NTRK3: variants seen among roughly 807,000 people sequenced by gnomAD.
NTRK3 encodes neurotrophic receptor tyrosine kinase 3.
NTRK3 carries 24 observed loss-of-function variants against 91.7 expected under a neutral mutation model. That is an observed-to-expected ratio of 0.26 (90% CI 0.19 to 0.37). NTRK3 has a LOEUF of 0.37. NTRK3 is among the 10% of genes least tolerant of loss of function. The probability of loss-of-function intolerance (pLI) is 1.00; values close to 1 mark genes in which losing one functional copy is unlikely to be tolerated. For missense variants in NTRK3, 880 were observed against 1,068.9 expected, an observed-to-expected ratio of 0.82 and a Z score of 2.46; for synonymous variants, 483 against 404.0, an observed-to-expected ratio of 1.20 and a Z score of -2.34.
intron 3 of NTRK3, among the ~76,000 whole-genome samples, chr15:88,204,649 T>C (rs2048587112): frequency 6.6e-6 from 1 of 152,154 alleles, no homozygotes; most frequent in Non-Finnish European, 1.5e-5. Flanking sequence ...TAGGAGGTGT[T>C]AAAAATTCTT....
At chr15:87,929,503 G>C (rs1439510252) in intron 16 of NTRK3, 69 bp from the exon 17 acceptor site, 6 of 1,584,390 alleles carry the variant, frequency 3.8e-6, no homozygotes, top group Non-Finnish European at 4.3e-6. Flanking sequence ...GGCCTTCCTG[G>C]GTCCCTGCCC....
intron 5 of NTRK3, among the ~76,000 whole-genome samples, chr15:88,163,382 T>C (rs537872570): frequency 1.3e-5 from 2 of 152,340 alleles, no homozygotes; most frequent in Admixed American, 1.3e-4. Flanking sequence ...TCATCTTCCA[T>C]GACTTACTGA....
exon 19 of NTRK3, chr15:87,874,414 C>T: frequency 4.3e-6 from 1 of 230,440 alleles, no homozygotes; most frequent in Non-Finnish European, 8.6e-6. Context: ...TCCTTCAGTG[C>T]TTCTTGTTCC....
Position 87,881,406 on chromosome 15 carries a change from C to CTTATTTATTTATTTAT in NTRK3, c.2134-994_2134-979dup, listed in dbSNP as rs61208268. On this transcript the variant is annotated intron_variant, in intron 17 of 18. Coordinates refer to ENST00000394480, the Ensembl canonical transcript of NTRK3. ...ACTTAAAGTTCTCATTTCCTTCTTTCTTATTTATTTATTTATTTATTTATT... is the reference window on the plus strand; with the variant it reads ...ACTTAAAGTTCTCATTTCCTTCTTTCTTATTTATTTATTTATTTATTTATTTATTTATTTATTTATT... Among the ~76,000 whole-genome samples the CTTATTTATTTATTTAT allele has an allele frequency of 8.1e-3, 1,214 of 149,254 alleles. 6 individuals carry two copies. Among genetic ancestry groups the CTTATTTATTTATTTAT allele is most frequent in the Non-Finnish European group, 0.014 (911 of 67,160 alleles).
intron 13 of NTRK3, among the ~76,000 whole-genome samples, 197 bp from the exon 14 acceptor site, chr15:88,033,242 T>C (rs1180608386): frequency 1.5e-5 from 2 of 135,832 alleles, no homozygotes; most frequent in Non-Finnish European, 3.1e-5. Context: ...GTTTCTGGTG[T>C]ATTTTAGATA....
chr15:87,905,912 A>C (rs547790756), intron 17 of NTRK3, among the ~76,000 whole-genome samples: 14 of 152,306 alleles, frequency 9.2e-5, no homozygotes, highest in African/African-American at 3.1e-4. Flanking sequence ...CAACACTCAA[A>C]AAACAAAGCA....
At chr15:87,991,823 G>A (rs933332542) in intron 14 of NTRK3, among the ~76,000 whole-genome samples, 3 of 152,076 alleles carry the variant, frequency 2.0e-5, no homozygotes, top group Admixed American at 1.3e-4. Flanking sequence ...TTGAGAGATA[G>A]TAACTTTAAG....
At chr15:88,134,443 A>G (rs1372246242) in intron 10 of NTRK3, among the ~76,000 whole-genome samples, 2 of 152,190 alleles carry the variant, frequency 1.3e-5, no homozygotes, top group Non-Finnish European at 2.9e-5. Flanking sequence ...CATTAGCACT[A>G]TCATAAGCTG....
At chr15:87,925,819 G>C (rs922651271) in intron 17 of NTRK3, among the ~76,000 whole-genome samples, 3 of 152,206 alleles carry the variant, frequency 2.0e-5, no homozygotes, top group Admixed American at 1.3e-4. Context: ...GCATGATCCA[G>C]TTTATCTTCT....
At chr15:87,972,560 C>T (rs932897044) in intron 14 of NTRK3, among the ~76,000 whole-genome samples, 2 of 152,188 alleles carry the variant, frequency 1.3e-5, no homozygotes, top group African/African-American at 4.8e-5. Flanking sequence ...AAAAGCCAAG[C>T]TCCATTCTTC....
At chr15:88,144,438 G>T (rs1370715984) in intron 6 of NTRK3, among the ~76,000 whole-genome samples, 1 of 152,186 alleles carries the variant, frequency 6.6e-6, no homozygotes, top group Non-Finnish European at 1.5e-5. Flanking sequence ...GGAACTCTGA[G>T]ATGGTAACTT....
intron 5 of NTRK3, among the ~76,000 whole-genome samples, chr15:88,160,217 G>T (rs557294941): frequency 1.3e-5 from 2 of 152,326 alleles, no homozygotes; most frequent in South Asian, 2.1e-4. Context: ...GGTCAAGGGG[G>T]TGCTGCTGAG....
At chr15:88,114,181 C>G (rs2051772942) in intron 13 of NTRK3, among the ~76,000 whole-genome samples, 1 of 152,214 alleles carries the variant, frequency 6.6e-6, no homozygotes, top group Admixed American at 6.5e-5. Context: ...GGGAATGAGT[C>G]AGCCTCTGGA....
intron 13 of NTRK3, among the ~76,000 whole-genome samples, chr15:88,096,215 A>G (rs1191350185): frequency 6.6e-6 from 1 of 151,930 alleles, no homozygotes; most frequent in Non-Finnish European, 1.5e-5. Flanking sequence ...ACAAAATCTT[A>G]TTCTCTCCCA....
At chr15:87,950,276 G>C (rs1446860882) in intron 14 of NTRK3, among the ~76,000 whole-genome samples, 1 of 152,216 alleles carries the variant, frequency 6.6e-6, no homozygotes, top group Admixed American at 6.5e-5. Flanking sequence ...GAGGACCACA[G>C]GGTGAACCGT....
intron 13 of NTRK3, among the ~76,000 whole-genome samples, chr15:88,056,617 C>T (rs116755592): frequency 0.011 from 1,736 of 152,302 alleles, 32 homozygotes; most frequent in African/African-American, 0.038. Flanking sequence ...AAAAAGACTG[C>T]ATTTTCACAG....
chr15:87,953,439 G>C (rs1223320895), intron 14 of NTRK3, among the ~76,000 whole-genome samples: 2 of 152,188 alleles, frequency 1.3e-5, no homozygotes, highest in African/African-American at 4.8e-5. Context: ...AGAAGTGTGA[G>C]GTTTCAATGA....
intron 14 of NTRK3, among the ~76,000 whole-genome samples, chr15:88,032,347 C>T (rs190889093): frequency 6.6e-5 from 10 of 152,040 alleles, no homozygotes; most frequent in African/African-American, 1.9e-4. Flanking sequence ...GAGTTCCTAG[C>T]GCTGGGGCTG....
At chr15:87,885,844 C>T (rs1490585091) in intron 17 of NTRK3, 109 bp from the exon 18 acceptor site, 4 of 433,136 alleles carry the variant, frequency 9.2e-6, no homozygotes, top group South Asian at 7.4e-5. Flanking sequence ...TTCAAGAAGC[C>T]ATCAAGAATA....
Sources: allele counts gnomAD v4.1 joint callset (sites outside exome capture counted in the v4.1 genomes callset), GRCh38; gene constraint gnomAD v4.1.1; transcripts MANE v1.5; gene names NCBI Gene and HGNC (gene_info 2026-07-23, HGNC 2026-07-21).